The following DYSF variants were observed in gnomAD, a reference collection of about 807,000 sequenced individuals.
The protein encoded by DYSF is dysferlin.
A neutral mutation model predicts 274.9 loss-of-function variants in DYSF; 212 were observed. The observed-to-expected ratio is 0.77, with a 90% confidence interval of 0.69 to 0.86. The LOEUF (loss-of-function observed/expected upper bound fraction) is 0.86. DYSF is among the 40% of genes least tolerant of loss of function. The pLI, the probability that DYSF is intolerant of heterozygous loss-of-function variation, is 0.00. For synonymous variants in DYSF, 1,091 were observed against 1,078.7 expected, an observed-to-expected ratio of 1.01 and a Z score of -0.22; for missense variants, 2,666 against 2,783.2, an observed-to-expected ratio of 0.96 and a Z score of 0.95.
chr2:71,570,806 C>T, intron 29 of DYSF, 65 bp downstream of exon 29: 2 of 1,602,044 alleles, frequency 1.2e-6, no homozygotes, highest in Non-Finnish European at 1.7e-6. Flanking sequence ...GGCACAGATG[C>T]AGACCTGCAT....
At chr2:71,489,254 C>G (rs1158853542) in intron 3 of DYSF, among the ~76,000 whole-genome samples, 1 of 152,146 alleles carries the variant, frequency 6.6e-6, no homozygotes, top group Non-Finnish European at 1.5e-5. Flanking sequence ...ACCCAGCCCT[C>G]TCCCACCAAA....
In DYSF at chr2:71,526,303, C is replaced by T; in HGVS notation, c.1233C>T (p.Ala411=). 1 of 1,614,184 alleles carries T rather than the reference C, an allele frequency of 6.2e-7. No individual in the cohort carries two copies. The highest frequency in any genetic ancestry group is 8.5e-7 in the Non-Finnish European group (1 of 1,180,012). ...LRPTGVALRG[A]HFCLKVFRAE... is the part of the protein sequence containing the mutation. Reference sequence around the variant, plus strand: ...CCACAGGCGTAGCCCTGCGAGGAGCCCACTTCTGCCTGAAGGTCTTCCGGG... The same window carrying T: ...CCACAGGCGTAGCCCTGCGAGGAGCTCACTTCTGCCTGAAGGTCTTCCGGG... The change falls in exon 13 of 56, where the codon GCC becomes GCT. Residue 411 remains alanine, a synonymous_variant. Transcript: ENST00000410020.
chr2:71,602,152 TTGAC>T (rs1201031539), intron 35 of DYSF, among the ~76,000 whole-genome samples: 1 of 152,226 alleles, frequency 6.6e-6, no homozygotes, highest in Non-Finnish European at 1.5e-5. Context: ...ATGTTGAGCT[TTGAC>T]TGGTACCCAG....
At chr2:71,576,335 G>T (rs931792016) in intron 30 of DYSF, 3 of 152,552 alleles carry the variant, frequency 2.0e-5, no homozygotes, top group African/African-American at 7.2e-5. Flanking sequence ...AGAGTGCTCT[G>T]GTCAGAGCTA....
chr2:71,549,675 T>G (rs1162724423), intron 17 of DYSF, among the ~76,000 whole-genome samples: 3 of 147,454 alleles, frequency 2.0e-5, no homozygotes, highest in African/African-American at 7.6e-5. Context: ...CTCTGTCTGG[T>G]AGTGAGGGGT....
At position 71,551,252 on chromosome 2, in the gene DYSF, G is replaced by C. The variant is rs2090923433; in HGVS notation, c.1692+96G>C. ...TGCAGGGTCTTCCAGCCCCTCCTGG[G>C]GGCCCACGACCTGGCAGCCAACCCC... On this transcript the variant is annotated intron_variant, in intron 18 of 55. Coordinates refer to ENST00000410020, the MANE Select transcript of DYSF (RefSeq NM_001130987.2). The C allele has an allele frequency of 8.3e-6, 11 of 1,327,046 alleles. No homozygotes were observed. In the South Asian group the frequency reaches 1.3e-4, roughly 16 times the overall value. 82.2% of individuals were successfully genotyped at this position (1,327,046 alleles called of 1,614,324 possible). A position where few individuals can be genotyped will look rare whatever the true frequency, so the allele number is the denominator to read the frequency against.
At chr2:71,569,699 A>G (rs2092314175) in intron 26 of DYSF, 121 bp from the exon 27 acceptor site, 2 of 807,036 alleles carry the variant, frequency 2.5e-6, no homozygotes, top group Admixed American at 4.0e-5. Flanking sequence ...CCCACCCCCC[A>G]TGTCTCTCAT....
intron 3 of DYSF, among the ~76,000 whole-genome samples, chr2:71,498,901 A>T (rs930677840): frequency 6.6e-6 from 1 of 152,242 alleles, no homozygotes. Context: ...TGCAAGTTCC[A>T]TGAGGTCAGA....
chr2:71,510,388 C>T (rs1299128013), intron 4 of DYSF, among the ~76,000 whole-genome samples: 1 of 152,122 alleles, frequency 6.6e-6, no homozygotes, highest in African/African-American at 2.4e-5. Flanking sequence ...TGGCTGCTCA[C>T]GTGGCGACAC....
intron 36 of DYSF, among the ~76,000 whole-genome samples, chr2:71,607,284 G>A (rs7600680): frequency 0.47 from 70,974 of 151,928 alleles, 16,849 homozygotes; most frequent in East Asian, 0.52. Flanking sequence ...AGAGCATGGT[G>A]CCTCCTGCAA....
intron 38 of DYSF, 75 bp downstream of exon 38, chr2:71,611,701 G>A (rs2093766509): frequency 1.9e-6 from 3 of 1,554,638 alleles, no homozygotes; most frequent in Admixed American, 1.8e-5. Context: ...AGCAGCCTGG[G>A]GCTTGTGCTC....
Position 71,660,648 on chromosome 2 carries a change from G to T in DYSF, c.5000G>T (p.Gly1667Val), listed in dbSNP as rs1573020369. Reference protein sequence around the residue: ...YIPCTLEPVFGKMFELTCTLP... With the variant: ...YIPCTLEPVFVKMFELTCTLP... ...CCCTGCACGCTGGAGCCCGTATTTGGAAAGTAAATTGGGGCATCTTGGGTC... is the reference window on the plus strand; with the variant it reads ...CCCTGCACGCTGGAGCCCGTATTTGTAAAGTAAATTGGGGCATCTTGGGTC... The change falls in exon 45 of 56, where the codon GGA becomes GTA. Residue 1667 changes from glycine (G) to valine (V), a missense_variant. Gly to Val is a moderately radical substitution (Grantham distance 109). Around this residue, in one of 3 missense-constraint regions of DYSF, gnomAD observed 1,460 missense variants for 1,502.1 expected, o/e 0.97. Coordinates refer to ENST00000410020, the MANE Select transcript of DYSF (RefSeq NM_001130987.2). 1 of 1,613,766 alleles carries T rather than the reference G, an allele frequency of 6.2e-7. No individual in the cohort carries two copies. The highest frequency in any genetic ancestry group is 8.5e-7 in the Non-Finnish European group (1 of 1,179,708).
intron 23 of DYSF, among the ~76,000 whole-genome samples, chr2:71,563,791 G>T (rs1437511967): frequency 1.3e-5 from 2 of 152,238 alleles, no homozygotes; most frequent in African/African-American, 4.8e-5. Context: ...CCAGAAGGAT[G>T]TACTCAGCTC....
At chr2:71,612,305 G>A (rs1195679692) in intron 38 of DYSF, among the ~76,000 whole-genome samples, 1 of 152,128 alleles carries the variant, frequency 6.6e-6, no homozygotes, top group Non-Finnish European at 1.5e-5. Context: ...CCACTTGGGG[G>A]GACTGTCTGT....
intron 32 of DYSF, among the ~76,000 whole-genome samples, chr2:71,595,105 G>T (rs1258662859): frequency 3.9e-5 from 6 of 152,232 alleles, no homozygotes; most frequent in Admixed American, 3.9e-4. Context: ...TGGGAAAAGG[G>T]TATAAATGGT....
chr2:71,455,746 G>T (rs2081034732), intron 1 of DYSF, among the ~76,000 whole-genome samples: 1 of 152,122 alleles, frequency 6.6e-6, no homozygotes. Context: ...CCCTGAACCT[G>T]GGGGCTGGTG....
intron 26 of DYSF, among the ~76,000 whole-genome samples, chr2:71,568,910 T>TCG (rs2092271974): frequency 6.8e-6 from 1 of 147,530 alleles, no homozygotes; most frequent in Non-Finnish European, 1.5e-5. Context: ...TCTCGCTCGG[T>TCG]CGCCCAGGCT....
At chr2:71,479,888 G>A (rs1036551927) in intron 1 of DYSF, among the ~76,000 whole-genome samples, 3 of 152,068 alleles carry the variant, frequency 2.0e-5, no homozygotes, top group Non-Finnish European at 4.4e-5. Flanking sequence ...AGGGTGAAGT[G>A]GATTTTGTTT....
chr2:71,549,419 C>T, intron 17 of DYSF: 1 of 1,607,746 alleles, frequency 6.2e-7, no homozygotes, highest in Non-Finnish European at 8.5e-7. Context: ...TGGGGACAAC[C>T]AGGGGAGTGG....
Sources: allele counts gnomAD v4.1 joint callset (sites outside exome capture counted in the v4.1 genomes callset), GRCh38; gene constraint gnomAD v4.1.1; regional missense constraint gnomAD v4.1.1; transcripts MANE v1.5; gene names NCBI Gene and HGNC (gene_info 2026-07-23, HGNC 2026-07-21).